Variants in ZNF462 observed in about 807,000 individuals in gnomAD.
ZNF462 encodes the protein zinc finger protein 462.
ZNF462 carries 10 observed loss-of-function variants against 201.9 expected under a neutral mutation model. The ratio of observed to expected loss-of-function variants is 0.05; its 90% CI spans 0.03 to 0.08. The LOEUF is 0.08. Among genes scored for constraint, ZNF462 ranks in the 10% least tolerant of loss-of-function variants. ZNF462 has a pLI of 1.00. For missense variants in ZNF462, 2,523 were observed against 3,168.3 expected (o/e 0.80, Z 4.89); for synonymous variants, 1,227 against 1,193.3 (o/e 1.03, Z -0.58).
At chr9:106,897,661 C>T (rs1828867926) in intron 1 of ZNF462, among the ~76,000 whole-genome samples, 1 of 152,088 alleles carries the variant, frequency 6.6e-6, no homozygotes, top group Admixed American at 6.5e-5. Context: ...GAGGCAGGGA[C>T]AGAATAAGGA....
In ZNF462 at chr9:106,927,593, G is replaced by C. The variant is rs774875379; in HGVS notation, c.3681G>C (p.Arg1227=). The C allele has an allele frequency of 1.2e-5, 20 of 1,613,714 alleles. No individual in the cohort carries two copies. The South Asian group carries it at 2.1e-4, about 17-fold the overall frequency. ...TCAAGGCCAATGCAGATGTGATCCG[G>C]CAGCATACGGCCACCATTCGAAGCC... is the stretch of plus-strand genomic sequence containing the variant. The part of the protein sequence containing the change: ...RDFKANADVI[R]QHTATIRSLC... The change falls in exon 3 of 13, where the codon CGG becomes CGC. Residue 1227 remains arginine, a synonymous_variant. Transcript: ENST00000277225.
At position 106,896,691 on chromosome 9, in the gene ZNF462, C is replaced by T. The variant is rs981367855; in HGVS notation, c.-30-26663C>T. 3.9e-5 allele frequency among the ~76,000 whole-genome samples: 6 copies of T among 152,248 alleles called. No homozygotes were observed. In the East Asian group the frequency reaches 1.2e-3, roughly 29 times the overall value. On this transcript the variant is annotated intron_variant, in intron 1 of 12. Coordinates refer to ENST00000277225, the MANE Select transcript of ZNF462 (RefSeq NM_021224.6). ...AAATTGAACATTAGATCAGTGAGGT[C>T]GACTGATTGATGAAATATTTTGTTC...
Position 106,864,080 on chromosome 9 carries a change from CTCTCTCTCTCTCTCTCTCTCTCTCTCT to C in ZNF462, c.-31+726_-31+752del, listed in dbSNP as rs1564062545. On this transcript the variant is annotated intron_variant, in intron 1 of 12. Transcript: ENST00000277225. Reference sequence around the variant, plus strand: ...TCTCTCTCTCTCTCTCTCTCTCTCTCTCTCTCTCTCTCTCTCTCTCTCTCTCTCTCCCTCTCCCCGAAGTTGGGATGC... The same window carrying C: ...TCTCTCTCTCTCTCTCTCTCTCTCTCCTCCCTCTCCCCGAAGTTGGGATGC... 1.3e-3 allele frequency among the ~76,000 whole-genome samples: 177 copies of C among 138,134 alleles called. 3 individuals carry two copies. Among genetic ancestry groups the C allele is most frequent in the Non-Finnish European group, 1.9e-3 (123 of 63,356 alleles). The allele number at this position is 138,134 out of a possible 152,430, so 90.6% of individuals were successfully genotyped here.
intron 4 of ZNF462, among the ~76,000 whole-genome samples, chr9:106,931,638 T>C (rs914834041): frequency 2.0e-5 from 3 of 152,190 alleles, no homozygotes; most frequent in Middle Eastern, 3.2e-3. Context: ...CCTGGGATCA[T>C]GTGAGAGAGA....
chr9:106,943,059 C>CGTGTGT (rs3056311), intron 7 of ZNF462, among the ~76,000 whole-genome samples: 2,231 of 143,212 alleles, frequency 0.016, 18 homozygotes, highest in Middle Eastern at 0.1. Flanking sequence ...TTTGCGCGCG[C>CGTGTGT]GTGTGTGTGT....
At chr9:106,867,257 C>T (rs1827375891) in intron 1 of ZNF462, among the ~76,000 whole-genome samples, 1 of 152,006 alleles carries the variant, frequency 6.6e-6, no homozygotes, top group Admixed American at 6.5e-5. Context: ...TTGAATAAAC[C>T]ACCATGAGAG....
intron 1 of ZNF462, among the ~76,000 whole-genome samples, chr9:106,921,646 G>A (rs1219506004): frequency 6.6e-6 from 1 of 152,190 alleles, no homozygotes; most frequent in African/African-American, 2.4e-5. Flanking sequence ...TTGGGGGATG[G>A]GGAGTGCACA....
At chr9:106,998,727 C>A (rs931009325) in intron 10 of ZNF462, among the ~76,000 whole-genome samples, 1 of 152,112 alleles carries the variant, frequency 6.6e-6, no homozygotes, top group Admixed American at 6.6e-5. Context: ...CCTGCCTCAG[C>A]CTCCCAAGTA....
intron 1 of ZNF462, among the ~76,000 whole-genome samples, chr9:106,879,796 T>C (rs115226904): frequency 1.6e-4 from 25 of 152,296 alleles, no homozygotes; most frequent in African/African-American, 6.0e-4. Context: ...AGAAAGCTTC[T>C]ACAATTTGAG....
chr9:106,930,546 G>C lies in ZNF462; in HGVS notation c.5869G>C (p.Val1957Leu), dbSNP rs1564112423. 1 of 1,613,992 alleles carries C rather than the reference G, an allele frequency of 6.2e-7. No homozygotes were observed. ...CCAGCCTTTTGGTCACTTAGAAGAG[G>C]TGCCAAAGATCAAGGAGAGGAAAGT... ...QERPFGHLEEVPKIKERKVVG... is the reference protein window; with the variant it reads ...QERPFGHLEELPKIKERKVVG... The change falls in exon 4 of 13, where the codon GTG (valine) becomes CTG (leucine). Residue 1957 changes from valine (V) to leucine (L), a missense_variant. Transcript: ENST00000277225. The surrounding 1 kb of genome is among the most constrained non-coding windows in gnomAD (Gnocchi z 5.8).
At chr9:106,996,488 T>G (rs1030867323) in intron 10 of ZNF462, among the ~76,000 whole-genome samples, 3 of 152,172 alleles carry the variant, frequency 2.0e-5, no homozygotes, top group Non-Finnish European at 4.4e-5. Context: ...GTTTCCTGAC[T>G]TTTTAATGAT....
At chr9:106,967,562 C>T (rs776844278) in intron 7 of ZNF462, among the ~76,000 whole-genome samples, 84 of 151,994 alleles carry the variant, frequency 5.5e-4, no homozygotes, top group Non-Finnish European at 1.3e-4. Flanking sequence ...TTAGGACATC[C>T]CATTTAGAAT....
rs1414531078 is a variant in ZNF462 at position 106,913,047 on chromosome 9, G to A, written c.-30-10307G>A. Among the ~76,000 whole-genome samples, 1 of 152,182 alleles carries A rather than the reference G, an allele frequency of 6.6e-6. No individual in the cohort carries two copies. Among genetic ancestry groups the A allele is most frequent in the Admixed American group, 6.5e-5 (1 of 15,280 alleles). ...GTGTAGTCAGGTGATGACTCCAGGT[G>A]TCACATCAGTTCAGGGTAGCTTAGC... is the stretch of plus-strand genomic sequence containing the variant. On this transcript the variant is annotated intron_variant, in intron 1 of 12. Transcript: ENST00000277225. This position sits in a 1 kb window ranked among gnomAD's most constrained non-coding sequence, Gnocchi z 4.1.
rs949552621 is a variant in ZNF462 at position 106,993,337 on chromosome 9, G to A, written c.7056+8928G>A. 6.6e-6 allele frequency among the ~76,000 whole-genome samples: 1 copy of A among 152,042 alleles called. No homozygotes were observed. Among genetic ancestry groups the A allele is most frequent in the African/African-American group, 2.4e-5 (1 of 41,398 alleles). On this transcript the variant is annotated intron_variant, in intron 10 of 12. Transcript: ENST00000277225. The surrounding 1 kb of genome is among the most constrained non-coding windows in gnomAD (Gnocchi z 4.0). ...CCTTTTAAGAACCAAAATCTCCAGT[G>A]CAGTCGATTTAGGCTGCATGTTTAT...
chr9:106,931,291 G>A (rs188379574), intron 4 of ZNF462, among the ~76,000 whole-genome samples: 1 of 151,990 alleles, frequency 6.6e-6, no homozygotes, highest in African/African-American at 2.4e-5. Context: ...CTTTTATTAG[G>A]CCACCTGTTT....
rs553603050 is a variant in ZNF462, at chr9:106,952,068, G to A, written c.6427+12961G>A. On this transcript the variant is annotated intron_variant, in intron 7 of 12. Coordinates refer to ENST00000277225, the MANE Select transcript of ZNF462 (RefSeq NM_021224.6). ...TTACTTAATGGTGTACAGATCACAC[G>A]GGAGATGCTGGAACCATGAGTTTGA... Among the ~76,000 whole-genome samples, 287 of 152,180 alleles carry A rather than the reference G, an allele frequency of 1.9e-3. 1 individual carries two copies. The highest frequency in any genetic ancestry group is 3.3e-3 in the Non-Finnish European group (223 of 68,014).
At chr9:106,973,006 T>C (rs1462646633) in intron 8 of ZNF462, among the ~76,000 whole-genome samples, 1 of 152,154 alleles carries the variant, frequency 6.6e-6, no homozygotes, top group African/African-American at 2.4e-5. Flanking sequence ...TAAGACACTA[T>C]CTGTGTCCCT....
chr9:106,982,875 G>T (rs1325430817), intron 9 of ZNF462, among the ~76,000 whole-genome samples: 1 of 152,136 alleles, frequency 6.6e-6, no homozygotes, highest in African/African-American at 2.4e-5. Context: ...ACAAAGGGAG[G>T]ACTCTAAAGA....
chr9:106,948,936 T>C (rs148867205), intron 7 of ZNF462, among the ~76,000 whole-genome samples: 1 of 152,222 alleles, frequency 6.6e-6, no homozygotes, highest in East Asian at 1.9e-4. Context: ...CAATCAAAAA[T>C]TCATTAATTT....
Sources: gnomAD v4.1 joint callset for allele counts (sites outside exome capture counted in the v4.1 genomes callset) on GRCh38, gnomAD v4.1.1 for gene constraint, Gnocchi (gnomAD v3.1) non-coding constraint, MANE v1.5 for transcripts, NCBI Gene and HGNC (gene_info 2026-07-23, HGNC 2026-07-21) for gene names.